Variants in CDC42BPB observed in about 807,000 individuals in gnomAD.
CDC42BPB encodes the protein serine/threonine-protein kinase MRCK beta.
A neutral mutation model predicts 214.9 loss-of-function variants in CDC42BPB; 37 were observed. The observed-to-expected ratio is 0.17, with a 90% CI of 0.13 to 0.23. The LOEUF is 0.23. Among genes scored for constraint, CDC42BPB ranks in the 10% least tolerant of loss-of-function variants. The probability of loss-of-function intolerance (pLI) is 1.00; values close to 1 mark genes in which losing one functional copy is unlikely to be tolerated. For missense variants in CDC42BPB, 1,694 were observed against 2,227.0 expected (o/e 0.76, Z 4.82); for synonymous variants, 931 against 884.0 (o/e 1.05, Z -0.94).
chr14:103,046,941 G>A (rs938655007), intron 1 of CDC42BPB, among the ~76,000 whole-genome samples: 1 of 151,274 alleles, frequency 6.6e-6, no homozygotes, highest in African/African-American at 2.4e-5. Context: ...AGGAGCCGCC[G>A]CGCCCAGCCT....
intron 18 of CDC42BPB, among the ~76,000 whole-genome samples, chr14:102,965,857 T>C (rs1208108239): frequency 1.3e-5 from 2 of 152,132 alleles, no homozygotes; most frequent in Non-Finnish European, 2.9e-5. Context: ...TCGGGGGGGC[T>C]GAGGCAGGAG....
At chr14:103,012,602 C>T (rs977578184) in intron 1 of CDC42BPB, among the ~76,000 whole-genome samples, 1 of 152,126 alleles carries the variant, frequency 6.6e-6, no homozygotes, top group African/African-American at 2.4e-5. Context: ...GTCAAGAGTT[C>T]GAAACCAGTC....
At position 103,004,104 on chromosome 14, in the gene CDC42BPB, T is replaced by C. The variant is rs970960662; in HGVS notation, c.352-81A>G. On this transcript the variant is annotated intron_variant, in intron 3 of 36. Transcript: ENST00000361246. The surrounding 1 kb of genome is among the most constrained non-coding windows in gnomAD (Gnocchi z 5.3). Reference sequence around the variant, plus strand: ...GTACTGCCGGTCTCGGGGTCCCTCCTGGGACAGTGGCTCCAGCCACGGTGT... The same window carrying C: ...GTACTGCCGGTCTCGGGGTCCCTCCCGGGACAGTGGCTCCAGCCACGGTGT... 7.6e-6 allele frequency: 11 copies of C among 1,451,836 alleles called. No individual in the cohort carries two copies. In the African/African-American group the frequency reaches 1.4e-4, roughly 19 times the overall value. 89.9% of individuals were successfully genotyped at this position (1,451,836 alleles called of 1,614,324 possible).
At position 102,964,581 on chromosome 14, in the gene CDC42BPB, G is replaced by A; in HGVS notation, c.2647C>T (p.Leu883=). 1 of 1,613,934 alleles carries A rather than the reference G, an allele frequency of 6.2e-7. No homozygotes were observed. The highest frequency in any genetic ancestry group is 8.5e-7 in the Non-Finnish European group (1 of 1,180,006). ...MSARLELQSA[L]EAEIRAKQLV... ...TGCTTGGCCCGGATCTCCGCCTCCA[G>A]GGCCGACTGCAGCTCCAGCCGCGCG... The change falls in exon 19 of 37, where the codon CTG becomes TTG. Residue 883 remains leucine (L), a synonymous_variant. Coordinates refer to ENST00000361246, the MANE Select transcript of CDC42BPB (RefSeq NM_006035.4).
At chr14:102,938,524 G>T in intron 34 of CDC42BPB, 113 bp from the exon 35 acceptor site, 1 of 1,440,808 alleles carries the variant, frequency 6.9e-7, no homozygotes, top group Non-Finnish European at 9.1e-7. Flanking sequence ...GAGCAAAATG[G>T]GGGCCAAGAG....
At chr14:102,951,164 C>T (rs1342171588) in intron 24 of CDC42BPB, among the ~76,000 whole-genome samples, 7 of 152,186 alleles carry the variant, frequency 4.6e-5, no homozygotes, top group African/African-American at 7.2e-5. Flanking sequence ...CCTGCCAGCC[C>T]GGGCCGCCTC....
rs544144944 is a variant in CDC42BPB at position 103,021,335 on chromosome 14, G to A, written c.176-9147C>T. 1.1e-4 allele frequency among the ~76,000 whole-genome samples: 17 copies of A among 152,180 alleles called. No homozygotes were observed. In the South Asian group the frequency reaches 1.9e-3, roughly 17 times the overall value. ...AAAAAAATTAGCCAGGCGTGGTGGC[G>A]GGCACCTGTAGTCCCAGCTACTTGG... On this transcript the variant is annotated intron_variant, in intron 1 of 36. Transcript: ENST00000361246.
At chr14:103,008,129 G>A (rs1312967244) in intron 3 of CDC42BPB, among the ~76,000 whole-genome samples, 1 of 152,246 alleles carries the variant, frequency 6.6e-6, no homozygotes, top group Non-Finnish European at 1.5e-5. Flanking sequence ...TATGTGAGCA[G>A]GGTCCAAACG....
intron 11 of CDC42BPB, among the ~76,000 whole-genome samples, chr14:102,975,361 T>TA: frequency 6.6e-6 from 1 of 152,220 alleles, no homozygotes; most frequent in East Asian, 1.9e-4. Flanking sequence ...CTGTCTCTAC[T>TA]AAAAATACAA....
chr14:102,962,541 T>C (rs1183641163), intron 20 of CDC42BPB, among the ~76,000 whole-genome samples: 4 of 152,166 alleles, frequency 2.6e-5, no homozygotes, highest in African/African-American at 9.7e-5. Context: ...GGATTTGCCA[T>C]ATGCTTTCAA....
intron 36 of CDC42BPB, among the ~76,000 whole-genome samples, chr14:102,937,423 C>A (rs947914684): frequency 6.6e-6 from 1 of 152,262 alleles, no homozygotes; most frequent in Non-Finnish European, 1.5e-5. Flanking sequence ...CCCGTCCGTT[C>A]GGCAGCTGAT....
chr14:103,053,731 C>G (rs1260187053), intron 1 of CDC42BPB, among the ~76,000 whole-genome samples: 1 of 148,624 alleles, frequency 6.7e-6, no homozygotes, highest in East Asian at 2.0e-4. Context: ...CACTGCACTC[C>G]AGCCTGGGCG....
At chr14:102,941,665 C>T in intron 30 of CDC42BPB, 2 of 497,752 alleles carry the variant, frequency 4.0e-6, no homozygotes, top group Non-Finnish European at 5.2e-6. Context: ...AACAGATGCC[C>T]AGTGAAAAGA....
At chr14:102,998,051 C>T (rs1225799152) in intron 5 of CDC42BPB, among the ~76,000 whole-genome samples, 3 of 152,142 alleles carry the variant, frequency 2.0e-5, no homozygotes, top group African/African-American at 7.2e-5. Context: ...TCTCTTGAAC[C>T]CAGGAGGCAG....
At chr14:103,049,281 C>G (rs1055279955) in intron 1 of CDC42BPB, among the ~76,000 whole-genome samples, 1 of 152,236 alleles carries the variant, frequency 6.6e-6, no homozygotes, top group African/African-American at 2.4e-5. Flanking sequence ...ACATCCCACC[C>G]CCGGCCTGCT....
chr14:102,981,518 C>T (rs193196609), intron 7 of CDC42BPB, among the ~76,000 whole-genome samples: 6 of 152,224 alleles, frequency 3.9e-5, no homozygotes, highest in Non-Finnish European at 5.9e-5. Context: ...CAGTGACTCA[C>T]GCCTGTAATC....
In CDC42BPB at chr14:102,968,234, G is replaced by A. The variant is rs778383319; in HGVS notation, c.2346+19C>T. On this transcript the variant is annotated intron_variant, in intron 16 of 36. Coordinates refer to ENST00000361246, the MANE Select transcript of CDC42BPB (RefSeq NM_006035.4). Reference sequence around the variant, plus strand: ...AACTTCCACACAAAGTGCTAACTCAGGTACTTTGAATTAATTACCTTTTCA... The same window carrying A: ...AACTTCCACACAAAGTGCTAACTCAAGTACTTTGAATTAATTACCTTTTCA... 1.3e-6 allele frequency: 2 copies of A among 1,569,386 alleles called. No homozygotes were observed. The highest frequency in any genetic ancestry group is 3.4e-5 in the Admixed American group (2 of 59,588).
In CDC42BPB at chr14:102,943,926, T is replaced by C; in HGVS notation, c.4373A>G (p.Gln1458Arg). 1.2e-6 allele frequency: 2 copies of C among 1,612,216 alleles called. No homozygotes were observed. The highest frequency in any genetic ancestry group is 1.7e-6 in the Non-Finnish European group (2 of 1,179,732). Residue 1458 changes from glutamine to arginine, a missense_variant, in exon 30 of 37, where the codon CAG becomes CGG. Gln to Arg is a conservative substitution (Grantham distance 43). Coordinates refer to ENST00000361246, the MANE Select transcript of CDC42BPB (RefSeq NM_006035.4). The surrounding 1 kb of genome is among the most constrained non-coding windows in gnomAD (Gnocchi z 4.6). ...VDPQGRRARA[Q>R]ELMWPAAPVA... The stretch of plus-strand genomic sequence containing the variant: ...AGGAGCCGCAGGCCACATGAGCTCC[T>C]GCGCGCGTGCCCTCCGGCCTTGCGG...
rs947046344 is a variant in CDC42BPB, at chr14:102,958,648, C to G, written c.2901+983G>C. 7.2e-5 allele frequency among the ~76,000 whole-genome samples: 11 copies of G among 152,036 alleles called. No homozygotes were observed. In the East Asian group the frequency reaches 2.1e-3, roughly 30 times the overall value. On this transcript the variant is annotated intron_variant, in intron 21 of 36. Transcript: ENST00000361246. ...GAGGCAGTGGGGTCTGCTCCTCACT[C>G]GACAGCTAATTCCCAAGTAGATGAC...
Sources: gnomAD v4.1 joint callset for allele counts (sites outside exome capture counted in the v4.1 genomes callset) on GRCh38, gnomAD v4.1.1 for gene constraint, Gnocchi (gnomAD v3.1) non-coding constraint, MANE v1.5 for transcripts, NCBI Gene and HGNC (gene_info 2026-07-23, HGNC 2026-07-21) for gene names.